LRP1B: variants seen among roughly 807,000 people sequenced by gnomAD.
LRP1B encodes the protein LDL receptor related protein 1B, also known as low-density lipoprotein receptor-related protein 1B.
Under a neutral mutation model 556.6 loss-of-function variants are expected in LRP1B, and 217 were observed. The ratio of observed to expected loss-of-function variants is 0.39; its 90% confidence interval spans 0.35 to 0.44. LRP1B has a LOEUF of 0.44. LRP1B is among the 20% of genes least tolerant of loss of function. The probability of loss-of-function intolerance (pLI) is 1.00; values close to 1 mark genes in which losing one functional copy is unlikely to be tolerated. For synonymous variants in LRP1B, 2,047 were observed against 1,865.8 expected, an observed-to-expected ratio of 1.10 and a Z score of -2.50; for missense variants, 5,053 against 5,620.8, an observed-to-expected ratio of 0.90 and a Z score of 3.23.
In LRP1B at chr2:141,796,328, C is replaced by T. The variant is rs535859530; in HGVS notation, c.205+13951G>A. On this transcript the variant is annotated intron_variant, in intron 2 of 90. Transcript: ENST00000389484. ...TTCATACCTTCAAGAATCCACTTAC[C>T]TTGAAGGTAAACTATTTGCACACAC... is the stretch of plus-strand genomic sequence containing the variant. Among the ~76,000 whole-genome samples the T allele has an allele frequency of 1.3e-4, 20 of 152,030 alleles. No homozygotes were observed. The East Asian group carries it at 3.9e-3, about 29-fold the overall frequency.
chr2:140,912,755 A>C (rs1420425975), intron 21 of LRP1B, among the ~76,000 whole-genome samples: 1 of 151,764 alleles, frequency 6.6e-6, no homozygotes, highest in Non-Finnish European at 1.5e-5. Context: ...AAAAATCCCC[A>C]AAACCCAGAA....
chr2:141,055,832 G>A (rs1289759157), intron 9 of LRP1B, among the ~76,000 whole-genome samples: 2 of 151,432 alleles, frequency 1.3e-5, no homozygotes, highest in African/African-American at 4.9e-5. Context: ...GTGTGTGTGT[G>A]TGTGTAGTTG....
At chr2:141,863,900 A>G (rs978214762) in intron 1 of LRP1B, among the ~76,000 whole-genome samples, 3 of 152,172 alleles carry the variant, frequency 2.0e-5, no homozygotes, top group Non-Finnish European at 4.4e-5. Flanking sequence ...TAAGACAGGA[A>G]GACTATGGCT....
At chr2:141,997,714 G>T (rs545818217) in intron 1 of LRP1B, among the ~76,000 whole-genome samples, 1 of 150,268 alleles carries the variant, frequency 6.7e-6, no homozygotes, top group South Asian at 2.1e-4. Context: ...GTTAAGAAAA[G>T]AGTACTTTAT....
intron 1 of LRP1B, among the ~76,000 whole-genome samples, chr2:141,825,075 C>A (rs1696878761): frequency 6.6e-6 from 1 of 152,158 alleles, no homozygotes; most frequent in Non-Finnish European, 1.5e-5. Context: ...GAGGCCGCCC[C>A]AAACATGCGG....
chr2:140,905,624 C>G (rs1694229118), intron 22 of LRP1B, among the ~76,000 whole-genome samples: 1 of 152,008 alleles, frequency 6.6e-6, no homozygotes, highest in Non-Finnish European at 1.5e-5. Flanking sequence ...AGCCTGTTTT[C>G]CCCTCCTGTT....
chr2:141,391,129 T>C (rs1690036026), intron 3 of LRP1B, among the ~76,000 whole-genome samples: 1 of 152,176 alleles, frequency 6.6e-6, no homozygotes, highest in Non-Finnish European at 1.5e-5. Flanking sequence ...TTTAAGATGG[T>C]ATTATTTTAA....
chr2:141,166,812 TTAA>T (rs1216457382), intron 7 of LRP1B, among the ~76,000 whole-genome samples: 1 of 151,946 alleles, frequency 6.6e-6, no homozygotes, highest in African/African-American at 2.4e-5. Context: ...TAGCATTCTT[TTAA>T]TAATTTGTAT....
At chr2:141,116,030 A>C (rs1700890281) in intron 7 of LRP1B, among the ~76,000 whole-genome samples, 1 of 152,182 alleles carries the variant, frequency 6.6e-6, no homozygotes, top group Admixed American at 6.5e-5. Context: ...ATTTCATTAT[A>C]AATAAAAATA....
intron 3 of LRP1B, among the ~76,000 whole-genome samples, chr2:141,449,337 T>C (rs1169795610): frequency 6.6e-6 from 1 of 152,204 alleles, no homozygotes; most frequent in Non-Finnish European, 1.5e-5. Flanking sequence ...TGCATGCAAA[T>C]GTGAATAATT....
chr2:140,491,317 T>G (rs141111553), intron 57 of LRP1B, among the ~76,000 whole-genome samples: 14 of 152,144 alleles, frequency 9.2e-5, no homozygotes, highest in African/African-American at 3.4e-4. Flanking sequence ...TAAACTGAGA[T>G]AGTGGAGTCT....
At chr2:141,837,984 A>G (rs989941266) in intron 1 of LRP1B, among the ~76,000 whole-genome samples, 6 of 152,170 alleles carry the variant, frequency 3.9e-5, no homozygotes, top group Non-Finnish European at 8.8e-5. Flanking sequence ...AACAGAGAGT[A>G]TACACTAGGA....
intron 41 of LRP1B, among the ~76,000 whole-genome samples, chr2:140,639,277 T>C (rs1684187327): frequency 6.6e-6 from 1 of 152,220 alleles, no homozygotes; most frequent in Non-Finnish European, 1.5e-5. Flanking sequence ...CAATGATTAC[T>C]AATTAAAAAA....
intron 7 of LRP1B, among the ~76,000 whole-genome samples, chr2:141,088,807 T>G (rs1376998379): frequency 1.3e-5 from 2 of 152,192 alleles, no homozygotes; most frequent in East Asian, 1.9e-4. Context: ...ATTGGTCCTT[T>G]AAATCGATGT....
At chr2:141,645,401 G>T (rs1689518996) in intron 2 of LRP1B, among the ~76,000 whole-genome samples, 2 of 146,178 alleles carry the variant, frequency 1.4e-5, no homozygotes, top group South Asian at 4.4e-4. Flanking sequence ...TAATTTGTCT[G>T]TTGATGGGAA....
intron 7 of LRP1B, among the ~76,000 whole-genome samples, chr2:141,094,121 TAA>T (rs1367895414): frequency 4.6e-5 from 7 of 152,070 alleles, no homozygotes; most frequent in Non-Finnish European, 2.9e-5. Context: ...GAAAAAGTAA[TAA>T]AGAGAAGGCA....
chr2:141,730,227 G>A (rs943670836), intron 2 of LRP1B, among the ~76,000 whole-genome samples: 2 of 152,146 alleles, frequency 1.3e-5, no homozygotes, highest in African/African-American at 4.8e-5. Flanking sequence ...GGAGAAGAGG[G>A]AGTCTGGTCT....
chr2:140,723,457 G>C (rs1326670851), intron 35 of LRP1B, among the ~76,000 whole-genome samples: 2 of 152,060 alleles, frequency 1.3e-5, no homozygotes, highest in Non-Finnish European at 2.9e-5. Context: ...TGAATTAAGA[G>C]GAGTCATCAA....
In LRP1B at chr2:141,517,029, A is replaced by ACAAAAAAAAAAAAAAC. The variant is rs1553526097; in HGVS notation, c.206-36497_206-36496insGTTTTTTTTTTTTTTG. ...TAAAAAAAAAAAAAAAAAAAAAAAA[A>ACAAAAAAAAAAAAAAC]AAAGTAAATCAATGAAATAATTTAA... On this transcript the variant is annotated intron_variant, in intron 2 of 90. Transcript: ENST00000389484. Among the ~76,000 whole-genome samples the ACAAAAAAAAAAAAAAC allele has an allele frequency of 5.5e-5, 5 of 90,192 alleles. 1 individual carries two copies. The highest frequency in any genetic ancestry group is 8.5e-5 in the Non-Finnish European group (4 of 46,912). 59.2% of individuals were successfully genotyped at this position (90,192 alleles called of 152,430 possible).
Sources: allele counts gnomAD v4.1 joint callset (sites outside exome capture counted in the v4.1 genomes callset), GRCh38; gene constraint gnomAD v4.1.1; transcripts MANE v1.5; gene names NCBI Gene and HGNC (gene_info 2026-07-23, HGNC 2026-07-21).